The following OR51B5 variants were observed in gnomAD, a reference collection of about 807,000 sequenced individuals.
The protein encoded by OR51B5 is olfactory receptor 51B5.
For missense variants in OR51B5, 456 were observed against 374.6 expected, an observed-to-expected ratio of 1.22 and a Z score of -1.79; for synonymous variants, 186 against 144.8, an observed-to-expected ratio of 1.28 and a Z score of -2.04.
At chr11:5,342,502 G>T, downstream of OR51B5, 1 of 1,474,890 alleles carries the variant, frequency 6.8e-7, no homozygotes, top group South Asian at 1.4e-5. Context: ...ATATGAGCAT[G>T]CATGCTAGAT....
At chr11:5,443,217 A>G (rs1051571818) in intron 1 of OR51B5, among the ~76,000 whole-genome samples, 2 of 152,142 alleles carry the variant, frequency 1.3e-5, no homozygotes, top group African/African-American at 2.4e-5. Context: ...TTCTCATTTT[A>G]GAGTTCCCAT....
intron 1 of OR51B5, among the ~76,000 whole-genome samples, chr11:5,424,209 G>C (rs1381140886): frequency 6.6e-6 from 1 of 152,190 alleles, no homozygotes; most frequent in Non-Finnish European, 1.5e-5. Context: ...GTGGAAGGTA[G>C]TGTTACAGAA....
chr11:5,371,577 A>G (rs1300135438), intron 1 of OR51B5, among the ~76,000 whole-genome samples: 1 of 152,190 alleles, frequency 6.6e-6, no homozygotes, highest in African/African-American at 2.4e-5. Context: ...AGGACCCTAA[A>G]CAATTAGGAA....
intron 1 of OR51B5, among the ~76,000 whole-genome samples, chr11:5,484,751 G>A (rs1320583290): frequency 1.3e-5 from 2 of 152,172 alleles, no homozygotes; most frequent in East Asian, 1.9e-4. Flanking sequence ...GCAAACCTGG[G>A]CCTTGGCCCT....
At chr11:5,413,397 A>G (rs1850182479) in intron 1 of OR51B5, among the ~76,000 whole-genome samples, 1 of 152,224 alleles carries the variant, frequency 6.6e-6, no homozygotes, top group African/African-American at 2.4e-5. Context: ...CTCCAAAGGA[A>G]TGCAGTTCTT....
chr11:5,453,001 G>C (rs549476832), intron 1 of OR51B5, among the ~76,000 whole-genome samples: 1 of 150,198 alleles, frequency 6.7e-6, no homozygotes, highest in East Asian at 1.9e-4. Context: ...AACTTGCTCT[G>C]GGAAAGTCTC....
intron 1 of OR51B5, among the ~76,000 whole-genome samples, chr11:5,488,374 G>T (rs1016306080): frequency 6.6e-6 from 1 of 152,138 alleles, no homozygotes; most frequent in African/African-American, 2.4e-5. Flanking sequence ...CCATGATGTG[G>T]ATGGACTAGA....
intron 1 of OR51B5, chr11:5,441,028 A>C: frequency 6.2e-7 from 1 of 1,613,936 alleles, no homozygotes; most frequent in Non-Finnish European, 8.5e-7. Context: ...TTCACCACAA[A>C]AGGGAAAGGG....
At chr11:5,478,141 T>C (rs1192904977) in intron 1 of OR51B5, among the ~76,000 whole-genome samples, 6 of 151,300 alleles carry the variant, frequency 4.0e-5, no homozygotes, top group African/African-American at 1.5e-4. Context: ...GCAGTGGTTC[T>C]CCCAGCAAGC....
At chr11:5,400,789 C>T (rs1175191384) in intron 1 of OR51B5, among the ~76,000 whole-genome samples, 1 of 152,182 alleles carries the variant, frequency 6.6e-6, no homozygotes, top group Non-Finnish European at 1.5e-5. Context: ...CCTGCAAGGT[C>T]CTTGACATAG....
At chr11:5,378,654 T>C (rs1312071192) in intron 1 of OR51B5, among the ~76,000 whole-genome samples, 3 of 152,096 alleles carry the variant, frequency 2.0e-5, no homozygotes, top group Non-Finnish European at 4.4e-5. Flanking sequence ...GGGCAAAGGA[T>C]ATGAACAGAC....
intron 1 of OR51B5, among the ~76,000 whole-genome samples, chr11:5,463,109 T>C (rs948742118): frequency 3.9e-5 from 6 of 152,254 alleles, no homozygotes; most frequent in Non-Finnish European, 7.3e-5. Context: ...TTTTTCTTTG[T>C]TTCCATTATG....
At chr11:5,431,599 C>G (rs949371528) in intron 1 of OR51B5, 1 of 154,932 alleles carries the variant, frequency 6.5e-6, no homozygotes, top group Non-Finnish European at 1.4e-5. Flanking sequence ...CTTTCAGCTC[C>G]CATGCCACCA....
At chr11:5,369,796 A>G (rs1849423089) in intron 1 of OR51B5, among the ~76,000 whole-genome samples, 1 of 152,182 alleles carries the variant, frequency 6.6e-6, no homozygotes, top group African/African-American at 2.4e-5. Flanking sequence ...CCATGATGCC[A>G]CACTAAAATC....
At chr11:5,489,781 AG>A in intron 1 of OR51B5, 3 of 729,600 alleles carry the variant, frequency 4.1e-6, no homozygotes, top group South Asian at 3.6e-5. Context: ...AAGCTCTGGA[AG>A]GAAGAGGAAT....
chr11:5,349,786 C>A (rs1242720400), intron 1 of OR51B5, among the ~76,000 whole-genome samples: 3 of 151,910 alleles, frequency 2.0e-5, no homozygotes, highest in Non-Finnish European at 2.9e-5. Context: ...GACAGAGTTG[C>A]TTTCCCCTCT....
intron 1 of OR51B5, among the ~76,000 whole-genome samples, chr11:5,367,184 A>G (rs149224120): frequency 2.7e-4 from 41 of 152,360 alleles, no homozygotes; most frequent in African/African-American, 9.1e-4. Flanking sequence ...GAACTGGAAT[A>G]AAATCATTTT....
chr11:5,410,709 G>C (rs1344262344), intron 1 of OR51B5, among the ~76,000 whole-genome samples: 1 of 152,144 alleles, frequency 6.6e-6, no homozygotes, highest in East Asian at 1.9e-4. Context: ...CTTCATGTAT[G>C]TTATTGTCCA....
At chr11:5,353,309 A>G (rs956599965) in intron 1 of OR51B5, among the ~76,000 whole-genome samples, 1 of 152,214 alleles carries the variant, frequency 6.6e-6, no homozygotes, top group Non-Finnish European at 1.5e-5. Context: ...AATTCAGATG[A>G]CCATTGTCTT....
Sources: gnomAD v4.1 joint callset for allele counts (sites outside exome capture counted in the v4.1 genomes callset) on GRCh38, gnomAD v4.1.1 for gene constraint, MANE v1.5 for transcripts, NCBI Gene and HGNC (gene_info 2026-07-23, HGNC 2026-07-21) for gene names.